The following UTRN variants were observed in gnomAD, a reference collection of about 807,000 sequenced individuals.
UTRN encodes dystrophin-related protein 1.
In UTRN, 283 loss-of-function variants were observed where a neutral mutation model predicts 463.9. The ratio of observed to expected loss-of-function variants is 0.61; its 90% CI spans 0.55 to 0.67. The LOEUF is 0.67. Among genes scored for constraint, UTRN ranks in the 30% least tolerant of loss-of-function variants. UTRN has a pLI of 0.00. For synonymous variants in UTRN, 1,442 were observed against 1,431.5 expected, an observed-to-expected ratio of 1.01 and a Z score of -0.17; for missense variants, 3,922 against 4,084.3, an observed-to-expected ratio of 0.96 and a Z score of 1.08.
At chr6:144,565,306 T>TA in intron 50 of UTRN, among the ~76,000 whole-genome samples, 1 of 152,296 alleles carries the variant, frequency 6.6e-6, no homozygotes. Flanking sequence ...AGATGCCTGT[T>TA]AGATATCTAA....
At chr6:144,427,401 C>G (rs1328643921) in intron 7 of UTRN, among the ~76,000 whole-genome samples, 5 of 152,102 alleles carry the variant, frequency 3.3e-5, no homozygotes, top group African/African-American at 4.8e-5. Context: ...CGTCTTATAT[C>G]TGGAAACTTA....
chr6:144,576,022 T>C (rs1240001183), intron 50 of UTRN, among the ~76,000 whole-genome samples: 3 of 152,234 alleles, frequency 2.0e-5, no homozygotes, highest in Admixed American at 2.0e-4. Flanking sequence ...ATCTGGCCCT[T>C]TGTGTTTAAC....
chr6:144,660,360 A>G lies in UTRN; in HGVS notation c.7480-18046A>G, dbSNP rs369913925. 30 of 459,738 alleles carry G rather than the reference A, an allele frequency of 6.5e-5. No homozygotes were observed. The East Asian group carries it at 8.4e-4, about 13-fold the overall frequency. 28.5% of individuals were successfully genotyped at this position (459,738 alleles called of 1,614,324 possible). A position where few individuals can be genotyped will look rare whatever the true frequency, so the allele number is the denominator to read the frequency against. ...CACTATACATTTAGATAGATGCTCTATTGACTCTTTGGTGGTTTAGTATAA... is the reference window on the plus strand; with the variant it reads ...CACTATACATTTAGATAGATGCTCTGTTGACTCTTTGGTGGTTTAGTATAA... On this transcript the variant is annotated intron_variant, in intron 51 of 74. Transcript: ENST00000367545.
intron 50 of UTRN, among the ~76,000 whole-genome samples, chr6:144,561,088 C>T (rs546241028): frequency 6.7e-6 from 1 of 149,960 alleles, no homozygotes; most frequent in South Asian, 2.1e-4. Flanking sequence ...TTTCTAGTGC[C>T]AGTTGAGATA....
intron 2 of UTRN, among the ~76,000 whole-genome samples, chr6:144,343,609 T>C (rs1777320433): frequency 6.6e-6 from 1 of 152,080 alleles, no homozygotes; most frequent in Non-Finnish European, 1.5e-5. Flanking sequence ...CTGGAAAAAT[T>C]TGTCTAAATG....
chr6:144,827,776 C>A (rs1028406604), intron 68 of UTRN, 100 bp downstream of exon 68: 5 of 1,349,794 alleles, frequency 3.7e-6, no homozygotes, highest in Non-Finnish European at 5.1e-6. Context: ...TTAAGAAATG[C>A]AGTTTTGCAG....
chr6:144,621,050 T>C (rs1258494764), intron 51 of UTRN, among the ~76,000 whole-genome samples: 1 of 152,162 alleles, frequency 6.6e-6, no homozygotes, highest in East Asian at 1.9e-4. Flanking sequence ...GACTGTAACC[T>C]TGGACAAACT....
intron 58 of UTRN, among the ~76,000 whole-genome samples, chr6:144,766,112 C>A (rs939016771): frequency 5.3e-5 from 8 of 151,874 alleles, no homozygotes; most frequent in African/African-American, 1.7e-4. Flanking sequence ...TCCACACAGA[C>A]ACACACACAC....
chr6:144,773,411 A>G (rs1393948737), intron 59 of UTRN, among the ~76,000 whole-genome samples: 1 of 152,186 alleles, frequency 6.6e-6, no homozygotes, highest in Non-Finnish European at 1.5e-5. Context: ...GCCATGTGAC[A>G]GCTGTGCTTT....
intron 53 of UTRN, among the ~76,000 whole-genome samples, chr6:144,701,573 T>G (rs1282331139): frequency 6.6e-6 from 1 of 152,204 alleles, no homozygotes; most frequent in Non-Finnish European, 1.5e-5. Context: ...CTTTAATATC[T>G]CTTTATGCCC....
Position 144,548,653 on chromosome 6 carries a change from C to G in UTRN, c.6609C>G (p.Val2203=). ...TTTTCATTTCAGCTCATCCTAATGT[C>G]CAAAAGGTGGTGCTAGTATCATCTG... The part of the protein sequence containing the change: ...SQTRIAAHPN[V]QKVVLVSSAS... Residue 2203 remains valine (V), a synonymous_variant, in exon 47 of 75, where the codon GTC becomes GTG. Transcript: ENST00000367545. 6.2e-7 allele frequency: 1 copy of G among 1,613,480 alleles called. No homozygotes were observed. The highest frequency in any genetic ancestry group is 8.5e-7 in the Non-Finnish European group (1 of 1,179,738).
chr6:144,469,481 C>T (rs150340488), intron 23 of UTRN, among the ~76,000 whole-genome samples: 141 of 152,292 alleles, frequency 9.3e-4, no homozygotes, highest in African/African-American at 3.2e-3. Flanking sequence ...AAATTAGTTT[C>T]TCAAGGCCCC....
intron 21 of UTRN, 25 bp downstream of exon 21, chr6:144,459,379 CCTGT>C (rs1185650585): frequency 6.4e-7 from 1 of 1,558,820 alleles, no homozygotes; most frequent in Non-Finnish European, 8.7e-7. Context: ...TTTAAAATCT[CCTGT>C]CTCAGTTTGC....
intron 2 of UTRN, among the ~76,000 whole-genome samples, chr6:144,364,033 A>G (rs1396143787): frequency 1.3e-5 from 2 of 152,174 alleles, no homozygotes; most frequent in Admixed American, 6.5e-5. Context: ...GGTAGATAGT[A>G]TGGGAGGTTA....
intron 53 of UTRN, among the ~76,000 whole-genome samples, chr6:144,729,093 C>G (rs1455349441): frequency 6.6e-6 from 1 of 152,022 alleles, no homozygotes; most frequent in African/African-American, 2.4e-5. Context: ...TGCTTCATGG[C>G]CTTATTCAAT....
chr6:144,600,628 T>G (rs1804147811), intron 51 of UTRN, among the ~76,000 whole-genome samples: 1 of 152,208 alleles, frequency 6.6e-6, no homozygotes, highest in African/African-American at 2.4e-5. Flanking sequence ...TCATGAAGTT[T>G]AAGAACAGAA....
chr6:144,742,903 A>G (rs997151029), intron 54 of UTRN, among the ~76,000 whole-genome samples: 2 of 152,214 alleles, frequency 1.3e-5, no homozygotes, highest in East Asian at 3.8e-4. Flanking sequence ...CAATAAGATT[A>G]TAGATACATG....
intron 65 of UTRN, among the ~76,000 whole-genome samples, chr6:144,808,499 T>C (rs1778339438): frequency 6.6e-6 from 1 of 152,132 alleles, no homozygotes; most frequent in Non-Finnish European, 1.5e-5. Flanking sequence ...CATTTTCATA[T>C]GTTGTTAGAG....
At chr6:144,298,793 T>C (rs1291420959) in intron 2 of UTRN, among the ~76,000 whole-genome samples, 1 of 152,216 alleles carries the variant, frequency 6.6e-6, no homozygotes, top group African/African-American at 2.4e-5. Flanking sequence ...GCATTTCTGA[T>C]GTAGCAGAGG....
Sources: allele counts gnomAD v4.1 joint callset (sites outside exome capture counted in the v4.1 genomes callset), GRCh38; gene constraint gnomAD v4.1.1; transcripts MANE v1.5; gene names NCBI Gene and HGNC (gene_info 2026-07-23, HGNC 2026-07-21).